The following ZNF827 variants were observed in gnomAD, a reference collection of about 807,000 sequenced individuals.
ZNF827 encodes zinc finger protein 827.
Under a neutral mutation model 102.4 loss-of-function variants are expected in ZNF827, and 13 were observed. That is an observed-to-expected ratio of 0.13 (90% CI 0.08 to 0.20). The LOEUF is 0.20. ZNF827 is among the 10% of genes least tolerant of loss of function. ZNF827 has a pLI of 1.00. For synonymous variants in ZNF827, 523 were observed against 536.2 expected (o/e 0.98, Z 0.34); for missense variants, 1,103 against 1,344.4 (o/e 0.82, Z 2.81).
chr4:145,837,610 T>A (rs1272605670), intron 7 of ZNF827, among the ~76,000 whole-genome samples: 2 of 152,176 alleles, frequency 1.3e-5, no homozygotes, highest in African/African-American at 4.8e-5. Flanking sequence ...ACAGCTGATA[T>A]CTCCTGGTGC....
rs1734694005 is a variant in ZNF827, at chr4:145,762,520, A to G, written c.*17+570T>C. Among the ~76,000 whole-genome samples, 1 of 152,208 alleles carries G rather than the reference A, an allele frequency of 6.6e-6. No individual in the cohort carries two copies. ...TTAACACACGGTAAGCACTCAGGAC[A>G]TACTGGTTCATTATTTGAGTGGTCT... On this transcript the variant is annotated intron_variant, in intron 14 of 14. Transcript: ENST00000508784. The surrounding 1 kb of genome is among the most constrained non-coding windows in gnomAD (Gnocchi z 4.9).
rs1750666511 is a variant in ZNF827, at chr4:145,892,338, G to A, written c.1171C>T (p.Arg391Trp). The change falls in exon 3 of 15, where the codon CGG (arginine) becomes TGG (tryptophan). Residue 391 changes from arginine (R) to tryptophan (W), a missense_variant. By Grantham distance (101) the Arg-to-Trp change is moderately radical (BLOSUM62 -3). Around this residue, in one of 5 missense-constraint regions of ZNF827, gnomAD observed 20 missense variants for 60.6 expected, o/e 0.33. Transcript: ENST00000508784. ...AAACCTGTGTGAATCACCATGTGCC[G>A]CTTCCAGTAACTCTTCCTTTTAATA... Reference protein sequence around the residue: ...LVIKRKSYWKRHMVIHTGLKS... With the variant: ...LVIKRKSYWKWHMVIHTGLKS... The A allele has an allele frequency of 6.2e-7, 1 of 1,614,132 alleles. No individual in the cohort carries two copies. Among genetic ancestry groups the A allele is most frequent in the Non-Finnish European group, 8.5e-7 (1 of 1,179,996 alleles).
At chr4:145,861,067 T>A (rs779816274) in intron 5 of ZNF827, among the ~76,000 whole-genome samples, 2 of 152,180 alleles carry the variant, frequency 1.3e-5, no homozygotes, top group Non-Finnish European at 2.9e-5. Flanking sequence ...GACAAGCTAC[T>A]TAGCAATGAG....
At chr4:145,900,910 T>C (rs1209304080) in intron 2 of ZNF827, among the ~76,000 whole-genome samples, 3 of 152,188 alleles carry the variant, frequency 2.0e-5, no homozygotes, top group Non-Finnish European at 2.9e-5. Context: ...GAACTTAGAA[T>C]TGACAACATC....
chr4:145,851,823 G>A (rs999138912), intron 5 of ZNF827, among the ~76,000 whole-genome samples: 14 of 152,132 alleles, frequency 9.2e-5, no homozygotes, highest in Non-Finnish European at 2.9e-5. Context: ...AAGAGAAGAA[G>A]AAGAAAGCTG....
At chr4:145,873,766 G>A (rs1041026874) in intron 4 of ZNF827, among the ~76,000 whole-genome samples, 2 of 152,122 alleles carry the variant, frequency 1.3e-5, no homozygotes, top group African/African-American at 4.8e-5. Context: ...CTTCTTGGGG[G>A]ATTTTGCTGG....
intron 8 of ZNF827, among the ~76,000 whole-genome samples, chr4:145,796,623 C>CTTTTT (rs34553120): frequency 1.2e-4 from 14 of 113,922 alleles, no homozygotes; most frequent in South Asian, 2.5e-4. Context: ...ATTTGTTCCT[C>CTTTTT]TTTTTTTTTT....
intron 8 of ZNF827, among the ~76,000 whole-genome samples, chr4:145,797,141 C>T (rs933388795): frequency 6.6e-6 from 1 of 152,170 alleles, no homozygotes; most frequent in East Asian, 1.9e-4. Context: ...GCCAGTGGCT[C>T]TGACTTACAC....
chr4:145,924,375 T>C (rs1444057052), intron 1 of ZNF827, among the ~76,000 whole-genome samples: 1 of 152,228 alleles, frequency 6.6e-6, no homozygotes, highest in African/African-American at 2.4e-5. Flanking sequence ...TTTCATTATA[T>C]ATGTATAGAT....
chr4:145,856,682 TAC>T (rs58347486), intron 5 of ZNF827, among the ~76,000 whole-genome samples: 39,605 of 141,244 alleles, frequency 0.28, 5,946 homozygotes, highest in Non-Finnish European at 0.37. Flanking sequence ...AGTACACACA[TAC>T]ACACACACAC....
chr4:145,825,535 C>T (rs559403874), intron 7 of ZNF827, among the ~76,000 whole-genome samples: 19 of 152,232 alleles, frequency 1.2e-4, no homozygotes, highest in South Asian at 6.2e-4. Flanking sequence ...CAGCCAGCAG[C>T]GACACTTGCA....
intron 8 of ZNF827, among the ~76,000 whole-genome samples, chr4:145,785,085 A>C (rs1738651039): frequency 6.6e-6 from 1 of 152,194 alleles, no homozygotes; most frequent in African/African-American, 2.4e-5. Flanking sequence ...AAATGAAGCA[A>C]ATAGGTGTGT....
intron 1 of ZNF827, among the ~76,000 whole-genome samples, chr4:145,903,806 A>G (rs930125049): frequency 2.0e-5 from 3 of 152,380 alleles, no homozygotes; most frequent in East Asian, 1.9e-4. Context: ...TATAAAGCTT[A>G]TATCATAATA....
chr4:145,916,083 G>A (rs745478525), intron 1 of ZNF827, among the ~76,000 whole-genome samples: 11 of 152,216 alleles, frequency 7.2e-5, no homozygotes, highest in Non-Finnish European at 1.3e-4. Flanking sequence ...TGGCTTTGCT[G>A]GGTTCAGTTC....
chr4:145,928,565 G>A (rs1260375313), intron 1 of ZNF827, among the ~76,000 whole-genome samples: 1 of 152,140 alleles, frequency 6.6e-6, no homozygotes, highest in Non-Finnish European at 1.5e-5. Context: ...ATATCTACGT[G>A]TATAGGCTGA....
intron 4 of ZNF827, among the ~76,000 whole-genome samples, chr4:145,875,474 T>A (rs73854940): frequency 0.017 from 2,655 of 152,060 alleles, 77 homozygotes; most frequent in African/African-American, 0.06. Context: ...CTTTGGAAAA[T>A]AAGTGATGTG....
rs897424634 is a variant in ZNF827, at chr4:145,931,826, C to A, written c.43+6539G>T. Among the ~76,000 whole-genome samples the A allele has an allele frequency of 6.6e-5, 10 of 152,326 alleles. 1 individual carries two copies. In the Middle Eastern group the frequency reaches 0.027, roughly 414 times the overall value. ...CAGCTTTCACAGATGGCACTGTTGA[C>A]CAGCCATAGAAACAGGTATAGCAAT... On this transcript the variant is annotated intron_variant, in intron 1 of 14. Coordinates refer to ENST00000508784, the MANE Select transcript of ZNF827 (RefSeq NM_001306215.2).
At chr4:145,894,416 T>A (rs1028806916) in intron 2 of ZNF827, among the ~76,000 whole-genome samples, 7 of 152,224 alleles carry the variant, frequency 4.6e-5, no homozygotes, top group African/African-American at 1.7e-4. Flanking sequence ...TTTTTTAATG[T>A]ACACATTACT....
intron 5 of ZNF827, among the ~76,000 whole-genome samples, chr4:145,866,852 A>G (rs1041616770): frequency 6.6e-6 from 1 of 152,236 alleles, no homozygotes; most frequent in Non-Finnish European, 1.5e-5. Context: ...TTAAAGCAAA[A>G]CAGAGACAAA....
Sources: allele counts gnomAD v4.1 joint callset (sites outside exome capture counted in the v4.1 genomes callset), GRCh38; gene constraint gnomAD v4.1.1; regional missense constraint gnomAD v4.1.1; non-coding constraint Gnocchi (gnomAD v3.1); transcripts MANE v1.5; gene names NCBI Gene and HGNC (gene_info 2026-07-23, HGNC 2026-07-21).